The following APBB2 variants were observed in gnomAD, a reference collection of about 807,000 sequenced individuals.
The protein encoded by APBB2 is amyloid beta precursor protein binding family B member 2.
A neutral mutation model predicts 82.5 loss-of-function variants in APBB2; 38 were observed. The ratio of observed to expected loss-of-function variants is 0.46; its 90% CI spans 0.36 to 0.60. APBB2 has a LOEUF of 0.60. Ranked by LOEUF, APBB2 falls within the 20% of genes least tolerant of loss-of-function variation. The pLI, the probability that APBB2 is intolerant of heterozygous loss-of-function variation, is 0.00. For synonymous variants in APBB2, 341 were observed against 368.2 expected (o/e 0.93, Z 0.85); for missense variants, 772 against 972.3 (o/e 0.79, Z 2.74).
chr4:41,110,091 C>T (rs1429432335), intron 2 of APBB2, among the ~76,000 whole-genome samples: 2 of 150,736 alleles, frequency 1.3e-5, no homozygotes, highest in Admixed American at 1.3e-4. Flanking sequence ...ACCCAGAGAC[C>T]ACCTTTCTTT....
intron 12 of APBB2, among the ~76,000 whole-genome samples, chr4:40,879,696 CTT>C (rs928858768): frequency 3.5e-5 from 5 of 142,296 alleles, no homozygotes. Context: ...TTTTTTCTTT[CTT>C]TTTTTTTTTT....
At chr4:40,938,943 A>G (rs117389762) in intron 7 of APBB2, among the ~76,000 whole-genome samples, 2 of 152,262 alleles carry the variant, frequency 1.3e-5, no homozygotes, top group East Asian at 3.9e-4. Context: ...TAATTCACCC[A>G]TGGATTCATG....
At chr4:41,081,777 T>G (rs1172690539) in intron 3 of APBB2, among the ~76,000 whole-genome samples, 2 of 152,252 alleles carry the variant, frequency 1.3e-5, no homozygotes, top group African/African-American at 2.4e-5. Flanking sequence ...CTTGAAATTT[T>G]TTTAACTAAA....
chr4:41,078,127 A>C (rs1485245438), intron 3 of APBB2, among the ~76,000 whole-genome samples: 2 of 152,258 alleles, frequency 1.3e-5, no homozygotes, highest in Admixed American at 1.3e-4. Flanking sequence ...GTACAAGCGC[A>C]GGTATTTAAG....
intron 1 of APBB2, among the ~76,000 whole-genome samples, chr4:41,178,397 A>C (rs1185113403): frequency 1.3e-5 from 2 of 152,118 alleles, no homozygotes; most frequent in Non-Finnish European, 2.9e-5. Context: ...CCCAGACTAG[A>C]ATGGAGCCTC....
At chr4:40,968,635 T>C (rs1795239027) in intron 6 of APBB2, among the ~76,000 whole-genome samples, 1 of 152,184 alleles carries the variant, frequency 6.6e-6, no homozygotes, top group South Asian at 2.1e-4. Context: ...GGACACTCAC[T>C]GGTCTCACAA....
In APBB2 at chr4:40,811,726, A is replaced by ATTAT. The variant is rs1744457838; in HGVS notation, c.*4362_*4365dup. 6.6e-6 allele frequency: 1 copy of ATTAT among 152,184 alleles called. No individual in the cohort carries two copies. Among genetic ancestry groups the ATTAT allele is most frequent in the Admixed American group, 6.5e-5 (1 of 15,276 alleles). The allele number at this position is 152,184 out of a possible 1,614,324, so 9.4% of individuals were successfully genotyped here. On this transcript the variant is annotated 3_prime_UTR_variant, in exon 18 of 18. Coordinates refer to ENST00000508593, the MANE Select transcript of APBB2 (RefSeq NM_004307.2). ...ATAGCAAACACATTTTTAATCTGAA[A>ATTAT]TTATTTACCACCATATAATGCCTGA... is the stretch of plus-strand genomic sequence containing the variant.
intron 7 of APBB2, among the ~76,000 whole-genome samples, chr4:40,941,823 G>C (rs1481273505): frequency 6.6e-6 from 1 of 151,612 alleles, no homozygotes; most frequent in Admixed American, 6.6e-5. Context: ...TTTTTGTAGA[G>C]ATGGGGTCTT....
At chr4:40,867,390 T>C (rs1294143125) in intron 12 of APBB2, among the ~76,000 whole-genome samples, 2 of 152,238 alleles carry the variant, frequency 1.3e-5, no homozygotes, top group Admixed American at 1.3e-4. Flanking sequence ...CATTTCACTA[T>C]AGCACCCCAT....
chr4:40,910,862 C>A (rs75706923), intron 10 of APBB2, among the ~76,000 whole-genome samples: 3,475 of 152,366 alleles, frequency 0.023, 130 homozygotes, highest in African/African-American at 0.08. Context: ...GATAATCTTG[C>A]CTTTGCAGGC....
intron 4 of APBB2, among the ~76,000 whole-genome samples, chr4:41,048,922 GCCTC>G (rs1724518477): frequency 6.6e-6 from 1 of 152,150 alleles, no homozygotes; most frequent in Non-Finnish European, 1.5e-5. Context: ...TGATCTACCA[GCCTC>G]GGTGCCGGGA....
intron 4 of APBB2, among the ~76,000 whole-genome samples, chr4:41,051,366 TCTTTTCTAGACAGTTTTCCCCAGAGTCC>T (rs566447574): frequency 6.6e-6 from 1 of 152,352 alleles, no homozygotes; most frequent in East Asian, 1.9e-4. Context: ...TACATGGATC[TCTTTTCTAGACAGTTTTCCCCAGAGTCC>T]CAGGTTAAGA....
intron 4 of APBB2, among the ~76,000 whole-genome samples, chr4:41,058,624 C>T (rs1221373149): frequency 6.6e-6 from 1 of 152,202 alleles, no homozygotes; most frequent in African/African-American, 2.4e-5. Flanking sequence ...GACTATGCTA[C>T]ACTACAAAAA....
At chr4:40,877,479 G>C (rs1228170160) in intron 12 of APBB2, among the ~76,000 whole-genome samples, 1 of 152,144 alleles carries the variant, frequency 6.6e-6, no homozygotes, top group Non-Finnish European at 1.5e-5. Context: ...ATGTAGGGGT[G>C]GGGTGCTGAG....
chr4:41,014,454 G>A (rs768273451), intron 5 of APBB2, 56 bp from the exon 6 acceptor site: 2 of 1,465,662 alleles, frequency 1.4e-6, no homozygotes, highest in African/African-American at 2.8e-5. Context: ...TTAGTATACA[G>A]TGTGAGTAAA....
intron 10 of APBB2, among the ~76,000 whole-genome samples, chr4:40,915,563 GTTTTCT>G (rs1467595532): frequency 6.6e-6 from 1 of 152,142 alleles, no homozygotes; most frequent in Non-Finnish European, 1.5e-5. Context: ...TTTCACTGTT[GTTTTCT>G]AAGAAAGGTT....
chr4:41,165,403 C>A (rs1386921347), intron 1 of APBB2, among the ~76,000 whole-genome samples: 1 of 152,194 alleles, frequency 6.6e-6, no homozygotes, highest in Admixed American at 6.5e-5. Context: ...TGCCCTCACC[C>A]AGGGGCCACC....
At chr4:40,878,142 T>C (rs990782942) in intron 12 of APBB2, among the ~76,000 whole-genome samples, 1 of 150,394 alleles carries the variant, frequency 6.6e-6, no homozygotes, top group Non-Finnish European at 1.5e-5. Flanking sequence ...AGGCCAGGAG[T>C]TCAACACCAG....
At chr4:40,819,085 A>T (rs1300374845) in intron 17 of APBB2, among the ~76,000 whole-genome samples, 1 of 149,756 alleles carries the variant, frequency 6.7e-6, no homozygotes, top group African/African-American at 2.5e-5. Flanking sequence ...CCCAAGCTCC[A>T]CCCATTCTTG....
Sources: allele counts gnomAD v4.1 joint callset (sites outside exome capture counted in the v4.1 genomes callset), GRCh38; gene constraint gnomAD v4.1.1; transcripts MANE v1.5; gene names NCBI Gene and HGNC (gene_info 2026-07-23, HGNC 2026-07-21).